Variants in AFAP1 observed in about 807,000 individuals in gnomAD.
AFAP1 encodes the protein actin filament-associated protein 1.
Under a neutral mutation model 93.9 loss-of-function variants are expected in AFAP1, and 75 were observed. The ratio of observed to expected loss-of-function variants is 0.80; its 90% CI spans 0.66 to 0.97. The LOEUF is 0.97. AFAP1 is among the 50% of genes least tolerant of loss of function. The pLI is 0.00. For synonymous variants in AFAP1, 517 were observed against 430.7 expected (o/e 1.20, Z -2.48); for missense variants, 1,201 against 1,050.8 (o/e 1.14, Z -1.98).
In AFAP1 at chr4:7,939,493, C is replaced by T; in HGVS notation, c.-3+163G>A. On this transcript the variant is annotated intron_variant, in intron 1 of 17. Transcript: ENST00000420658. This position sits in a 1 kb window ranked among gnomAD's most constrained non-coding sequence, Gnocchi z 5.6. Reference sequence around the variant, plus strand: ...CGACCGGGACCCCCGCGCGGGCCCACGCGGCGTCGCAGCAGGCGCGGAGCC... The same window carrying T: ...CGACCGGGACCCCCGCGCGGGCCCATGCGGCGTCGCAGCAGGCGCGGAGCC... 1 of 315,170 alleles carries T rather than the reference C, an allele frequency of 3.2e-6. No homozygotes were observed. The highest frequency in any genetic ancestry group is 6.1e-6 in the Non-Finnish European group (1 of 163,398). The allele number at this position is 315,170 out of a possible 1,614,324, so 19.5% of individuals were successfully genotyped here. A position where few individuals can be genotyped will look rare whatever the true frequency, so the allele number is the denominator to read the frequency against.
Position 7,762,374 on chromosome 4 carries a change from G to A in AFAP1, c.*1391C>T, listed in dbSNP as rs1474315246. On this transcript the variant is annotated 3_prime_UTR_variant, in exon 18 of 18. Transcript: ENST00000420658. ...CCTCTGTATTCTATGCTTGGGGAAG[G>A]GGCGGTTGCTACTGGGACTGGTCTC... The A allele has an allele frequency of 6.6e-6, 1 of 152,254 alleles. No individual in the cohort carries two copies. The highest frequency in any genetic ancestry group is 1.9e-4 in the East Asian group (1 of 5,186). 9.4% of individuals were successfully genotyped at this position (152,254 alleles called of 1,614,324 possible).
rs573407609 is a variant in AFAP1, at chr4:7,781,231, G to A, written c.1782+145C>T. 6.0e-5 allele frequency: 63 copies of A among 1,051,978 alleles called. No individual in the cohort carries two copies. The African/African-American group carries it at 9.4e-4, about 16-fold the overall frequency. 65.2% of individuals were successfully genotyped at this position (1,051,978 alleles called of 1,614,324 possible). ...TATCTCATCAGTTCCTTGGTAGTCAGGCTGCAAATTATATTCTAGTTGAGA... is the reference window on the plus strand; with the variant it reads ...TATCTCATCAGTTCCTTGGTAGTCAAGCTGCAAATTATATTCTAGTTGAGA... On this transcript the variant is annotated intron_variant, in intron 13 of 17. Transcript: ENST00000420658.
chr4:7,790,033 T>C (rs1313058791), intron 11 of AFAP1, among the ~76,000 whole-genome samples: 1 of 152,222 alleles, frequency 6.6e-6, no homozygotes, highest in Non-Finnish European at 1.5e-5. Flanking sequence ...TTTCAAAATA[T>C]ATTACTGCCG....
intron 11 of AFAP1, among the ~76,000 whole-genome samples, chr4:7,792,002 C>A (rs1487339076): frequency 6.6e-6 from 1 of 152,170 alleles, no homozygotes; most frequent in African/African-American, 2.4e-5. Flanking sequence ...CAGTTAATGT[C>A]CAGCTTAATA....
intron 8 of AFAP1, among the ~76,000 whole-genome samples, chr4:7,812,240 C>T (rs1238531131): frequency 3.9e-5 from 6 of 152,226 alleles, no homozygotes; most frequent in South Asian, 2.1e-4. Flanking sequence ...CCCGAGTGCC[C>T]GGGGCACCCT....
chr4:7,930,529 G>A (rs577226959), intron 1 of AFAP1, among the ~76,000 whole-genome samples: 18 of 152,088 alleles, frequency 1.2e-4, no homozygotes, highest in Non-Finnish European at 1.9e-4. Context: ...AACCTGTCTA[G>A]GGGCCCAAAG....
chr4:7,809,509 G>C (rs1018993356), intron 9 of AFAP1, 105 bp downstream of exon 9: 2 of 1,340,636 alleles, frequency 1.5e-6, no homozygotes, highest in Admixed American at 4.7e-5. Flanking sequence ...ATGCAAAAGA[G>C]CTCAAATTAA....
At chr4:7,835,871 ACTGAGGGCTGCCTTAAGGTTAC>A (rs1163375659) in intron 6 of AFAP1, among the ~76,000 whole-genome samples, 3 of 151,828 alleles carry the variant, frequency 2.0e-5, no homozygotes, top group African/African-American at 7.3e-5. Flanking sequence ...TCTTGAATGG[ACTGAGGGCTGCCTTAAGGTTAC>A]CTGGGTGGCT....
At chr4:7,937,185 C>A (rs1376485329) in intron 1 of AFAP1, among the ~76,000 whole-genome samples, 1 of 152,150 alleles carries the variant, frequency 6.6e-6, no homozygotes, top group African/African-American at 2.4e-5. Context: ...ATCATAGATA[C>A]TTGTCCTTAA....
intron 6 of AFAP1, among the ~76,000 whole-genome samples, chr4:7,828,063 C>G (rs939878657): frequency 2.0e-4 from 30 of 152,156 alleles, no homozygotes; most frequent in Non-Finnish European, 4.0e-4. Flanking sequence ...AAAGACGTGG[C>G]TTCAAATGTG....
At chr4:7,815,684 G>A (rs192752995) in intron 8 of AFAP1, among the ~76,000 whole-genome samples, 25 of 152,288 alleles carry the variant, frequency 1.6e-4, no homozygotes, top group Admixed American at 1.3e-3. Flanking sequence ...CATGCCGGCT[G>A]CTCACCAATG....
chr4:7,908,992 GAAA>G (rs1213922238), intron 1 of AFAP1, among the ~76,000 whole-genome samples: 2 of 4,094 alleles, frequency 4.9e-4, no homozygotes, highest in African/African-American at 1.8e-3. Flanking sequence ...ACATTCAATT[GAAA>G]TTCAAGGTAT....
intron 1 of AFAP1, among the ~76,000 whole-genome samples, chr4:7,884,230 T>C (rs746402576): frequency 1.3e-5 from 2 of 152,220 alleles, no homozygotes; most frequent in African/African-American, 4.8e-5. Context: ...GTCGGCACCA[T>C]GCTTGTAAAG....
At chr4:7,877,880 T>C (rs1034679923) in intron 1 of AFAP1, among the ~76,000 whole-genome samples, 1 of 152,218 alleles carries the variant, frequency 6.6e-6, no homozygotes, top group Non-Finnish European at 1.5e-5. Context: ...CAATTCTTCG[T>C]TGAGCTGCCT....
At chr4:7,926,029 C>T (rs1388007249) in intron 1 of AFAP1, among the ~76,000 whole-genome samples, 3 of 152,154 alleles carry the variant, frequency 2.0e-5, no homozygotes, top group Non-Finnish European at 2.9e-5. Context: ...TTCCTACTGC[C>T]GCCCCACTTT....
At chr4:7,911,913 A>G (rs185080265) in intron 1 of AFAP1, among the ~76,000 whole-genome samples, 15 of 152,362 alleles carry the variant, frequency 9.8e-5, no homozygotes, top group African/African-American at 3.6e-4. Flanking sequence ...AGATTGTTCC[A>G]ATGGCAACAC....
chr4:7,899,468 G>A (rs1401987949), intron 1 of AFAP1, among the ~76,000 whole-genome samples: 3 of 152,218 alleles, frequency 2.0e-5, no homozygotes, highest in African/African-American at 4.8e-5. Context: ...ACAAGGGCAG[G>A]ATCACAAATT....
At chr4:7,912,144 C>G (rs1226776590) in intron 1 of AFAP1, among the ~76,000 whole-genome samples, 1 of 152,212 alleles carries the variant, frequency 6.6e-6, no homozygotes, top group Non-Finnish European at 1.5e-5. Context: ...ACGTCATTAA[C>G]TATTGCAAAG....
At chr4:7,859,439 T>G (rs1447966113) in intron 3 of AFAP1, among the ~76,000 whole-genome samples, 2 of 150,370 alleles carry the variant, frequency 1.3e-5, no homozygotes, top group African/African-American at 4.9e-5. Context: ...AAAACAAGGG[T>G]CCAAAGTCTA....
Sources: allele counts gnomAD v4.1 joint callset (sites outside exome capture counted in the v4.1 genomes callset), GRCh38; gene constraint gnomAD v4.1.1; non-coding constraint Gnocchi (gnomAD v3.1); transcripts MANE v1.5; gene names NCBI Gene and HGNC (gene_info 2026-07-23, HGNC 2026-07-21).